Variants in PRKCB observed in about 807,000 individuals in gnomAD.
PRKCB encodes the protein protein kinase C beta.
Under a neutral mutation model 81.5 loss-of-function variants are expected in PRKCB, and 13 were observed. That is an observed-to-expected ratio of 0.16 (90% CI 0.10 to 0.25). The LOEUF is 0.25. PRKCB is among the 10% of genes least tolerant of loss of function. The pLI is 1.00. For synonymous variants in PRKCB, 335 were observed against 321.4 expected (o/e 1.04, Z -0.45); for missense variants, 509 against 875.7 (o/e 0.58, Z 5.29).
Position 23,958,196 on chromosome 16 carries a change from T to A in PRKCB, c.206-30312T>A, listed in dbSNP as rs149811125. ...TAGTAGAGACAGGGTTTCGCCATGT[T>A]GGCCAGGGTGGTCTTGAACTCCTGA... On this transcript the variant is annotated intron_variant, in intron 2 of 16. Transcript: ENST00000643927. Among the ~76,000 whole-genome samples the A allele has an allele frequency of 3.3e-3, 496 of 152,090 alleles. 2 individuals are homozygous for A. Among genetic ancestry groups the A allele is most frequent in the African/African-American group, 0.012 (479 of 41,364 alleles).
At chr16:24,016,810 A>G (rs1262417450) in intron 3 of PRKCB, among the ~76,000 whole-genome samples, 3 of 152,186 alleles carry the variant, frequency 2.0e-5, no homozygotes, top group Non-Finnish European at 4.4e-5. Flanking sequence ...CCCTTAGCTC[A>G]GCCACAGCAC....
chr16:23,938,537 G>T (rs1003932562), intron 2 of PRKCB, among the ~76,000 whole-genome samples: 3 of 152,194 alleles, frequency 2.0e-5, no homozygotes, highest in African/African-American at 7.2e-5. Context: ...TGAATGAGTA[G>T]CTATATGGTG....
At chr16:24,137,347 C>T (rs1966868638) in intron 9 of PRKCB, among the ~76,000 whole-genome samples, 1 of 152,126 alleles carries the variant, frequency 6.6e-6, no homozygotes, top group South Asian at 2.1e-4. Context: ...TGCCATCGTG[C>T]CTGGCTCATT....
chr16:24,033,823 G>C (rs1358918569), intron 4 of PRKCB, among the ~76,000 whole-genome samples: 1 of 152,090 alleles, frequency 6.6e-6, no homozygotes, highest in Non-Finnish European at 1.5e-5. Flanking sequence ...CATTACACAG[G>C]CTCATGCAGA....
Position 23,951,486 on chromosome 16 carries a change from C to T in PRKCB, c.206-37022C>T, listed in dbSNP as rs2141779243. On this transcript the variant is annotated intron_variant, in intron 2 of 16. Coordinates refer to ENST00000643927, the MANE Select transcript of PRKCB (RefSeq NM_002738.7). ...GTCACCCAGGCTGGGGTACAGTGTC[C>T]AGATCACAGCTCACTGTAACCTCAA... 1.3e-5 allele frequency among the ~76,000 whole-genome samples: 2 copies of T among 151,930 alleles called. 1 individual carries two copies. Among genetic ancestry groups the T allele is most frequent in the South Asian group, 4.2e-4 (2 of 4,808 alleles).
chr16:24,006,077 C>A (rs1220178488), intron 3 of PRKCB, among the ~76,000 whole-genome samples: 1 of 152,172 alleles, frequency 6.6e-6, no homozygotes, highest in African/African-American at 2.4e-5. Context: ...CCCTTCCTCC[C>A]TTCTTCCCTC....
rs980521216 is a variant in PRKCB, at chr16:23,976,316, C to T, written c.206-12192C>T. 4.6e-5 allele frequency among the ~76,000 whole-genome samples: 7 copies of T among 152,138 alleles called. No individual in the cohort carries two copies. The East Asian group carries it at 5.8e-4, about 13-fold the overall frequency. The stretch of plus-strand genomic sequence containing the variant: ...CTGTCTCAAAAAAACCCACAAAAAC[C>T]GCCCCCCCAAAAACGGATGGCAGAT... On this transcript the variant is annotated intron_variant, in intron 2 of 16. Coordinates refer to ENST00000643927, the MANE Select transcript of PRKCB (RefSeq NM_002738.7).
chr16:24,115,143 G>C (rs571333756), intron 8 of PRKCB, among the ~76,000 whole-genome samples: 1 of 152,338 alleles, frequency 6.6e-6, no homozygotes, highest in South Asian at 2.1e-4. Context: ...GAAAGGCTGA[G>C]GAAGTAGGCA....
At chr16:23,923,440 T>A (rs1963853475) in intron 2 of PRKCB, among the ~76,000 whole-genome samples, 1 of 152,100 alleles carries the variant, frequency 6.6e-6, no homozygotes, top group African/African-American at 2.4e-5. Flanking sequence ...AATTAGCTAC[T>A]AGGGCCAGTG....
At chr16:24,114,004 G>A (rs1295918286) in intron 8 of PRKCB, among the ~76,000 whole-genome samples, 1 of 151,800 alleles carries the variant, frequency 6.6e-6, no homozygotes, top group African/African-American at 2.4e-5. Context: ...ATCACTTGAA[G>A]TCAGGAGTTG....
At chr16:23,911,128 C>CTTTTTTTGTTTTTTTTTTT in intron 2 of PRKCB, among the ~76,000 whole-genome samples, 1 of 31,558 alleles carries the variant, frequency 3.2e-5, no homozygotes, top group Non-Finnish European at 5.4e-5. Flanking sequence ...CGTATATATG[C>CTTTTTTTGTTTTTTTTTTT]TTTTTTTTTT....
At chr16:24,103,581 C>T (rs978481879) in intron 7 of PRKCB, among the ~76,000 whole-genome samples, 11 of 152,108 alleles carry the variant, frequency 7.2e-5, no homozygotes, top group Admixed American at 2.0e-4. Context: ...TTTAGATTCA[C>T]GGGATACATG....
At chr16:24,040,556 T>C (rs2033702191) in intron 5 of PRKCB, among the ~76,000 whole-genome samples, 1 of 152,194 alleles carries the variant, frequency 6.6e-6, no homozygotes, top group African/African-American at 2.4e-5. Flanking sequence ...AGGCATTAGC[T>C]CCATGAGGGC....
chr16:24,140,652 G>T (rs1363021693), intron 9 of PRKCB, among the ~76,000 whole-genome samples: 1 of 152,148 alleles, frequency 6.6e-6, no homozygotes, highest in Non-Finnish European at 1.5e-5. Flanking sequence ...CGTCGGGGCT[G>T]TCCAGTAGTC....
intron 10 of PRKCB, among the ~76,000 whole-genome samples, chr16:24,158,905 C>G (rs1340668865): frequency 6.6e-6 from 1 of 152,216 alleles, no homozygotes; most frequent in Non-Finnish European, 1.5e-5. Flanking sequence ...AAGCAATCCT[C>G]TTACCTCGGC....
chr16:24,177,345 A>G (rs1000215247), intron 12 of PRKCB, among the ~76,000 whole-genome samples: 2 of 152,170 alleles, frequency 1.3e-5, no homozygotes, highest in Non-Finnish European at 2.9e-5. Context: ...CCCTTTTCCT[A>G]AACTAACTAC....
chr16:24,003,861 A>G (rs533775669), intron 3 of PRKCB, among the ~76,000 whole-genome samples: 5 of 152,316 alleles, frequency 3.3e-5, no homozygotes, highest in African/African-American at 1.2e-4. Context: ...GATGAAAGTA[A>G]TAACTAATTA....
intron 9 of PRKCB, among the ~76,000 whole-genome samples, chr16:24,125,150 A>G (rs538517290): frequency 1.7e-4 from 14 of 81,112 alleles, no homozygotes; most frequent in African/African-American, 9.1e-4. Context: ...TGCAATCCCA[A>G]TCTTGTTACC....
At chr16:24,025,882 C>A (rs1567348883) in intron 3 of PRKCB, among the ~76,000 whole-genome samples, 1 of 152,180 alleles carries the variant, frequency 6.6e-6, no homozygotes, top group Non-Finnish European at 1.5e-5. Flanking sequence ...TGAAGTTACT[C>A]TGTAGTTAGG....
Sources: allele counts gnomAD v4.1 joint callset (sites outside exome capture counted in the v4.1 genomes callset), GRCh38; gene constraint gnomAD v4.1.1; transcripts MANE v1.5; gene names NCBI Gene and HGNC (gene_info 2026-07-23, HGNC 2026-07-21).